BAZ2A: variants seen among roughly 807,000 people sequenced by gnomAD.
BAZ2A encodes the protein bromodomain adjacent to zinc finger domain 2A.
In BAZ2A, 34 loss-of-function variants were observed where a neutral mutation model predicts 199.9. The ratio of observed to expected loss-of-function variants is 0.17; its 90% CI spans 0.13 to 0.23. BAZ2A has a LOEUF of 0.23. Ranked by LOEUF, BAZ2A falls within the 10% of genes least tolerant of loss-of-function variation. BAZ2A has a pLI of 1.00. For missense variants in BAZ2A, 2,002 were observed against 2,391.1 expected (o/e 0.84, Z 3.39); for synonymous variants, 857 against 883.9 (o/e 0.97, Z 0.54).
chr12:56,634,155 C>T (rs1012132664), upstream of BAZ2A, among the ~76,000 whole-genome samples: 1 of 152,122 alleles, frequency 6.6e-6, no homozygotes, highest in Non-Finnish European at 1.5e-5. Flanking sequence ...CCTAGGGAGT[C>T]GGGGGGCTTC....
In BAZ2A at chr12:56,604,232, T is replaced by G. The variant is rs748438686; in HGVS notation, c.3023A>C (p.Glu1008Ala). 1.2e-6 allele frequency: 2 copies of G among 1,607,452 alleles called. No individual in the cohort carries two copies. Among genetic ancestry groups the G allele is most frequent in the Non-Finnish European group, 1.7e-6 (2 of 1,176,752 alleles). The part of the protein sequence containing the change: ...SSYRKNKWIV[E>A]GRLRRLKTVL... ...TGGTCCCTACCTCCGGAGCCGGCCT[T>G]CAACAATCCACTTGTTTTTCCTGTA... The change falls in exon 16 of 29, where the codon GAA becomes GCA. Residue 1008 changes from glutamate (E) to alanine (A), a missense_variant. Glu to Ala is a moderately radical substitution (Grantham distance 107). Transcript: ENST00000549884.
chr12:56,599,796 T>C lies in BAZ2A; in HGVS notation c.5078A>G (p.Asp1693Gly). Residue 1693 changes from aspartate (D) to glycine (G), a missense_variant, in exon 26 of 29, where the codon GAT (aspartate) becomes GGT (glycine). By Grantham distance (94) the Asp-to-Gly change is moderately conservative. Coordinates refer to ENST00000549884, the MANE Select transcript of BAZ2A (RefSeq NM_001300905.2). ...GDNDEFLLLCDGCDRGCHIYC... is the reference protein window; with the variant it reads ...GDNDEFLLLCGGCDRGCHIYC... ...AATGTGGCAGCCACGGTCACACCCATCACAAAGCAGAAGAAACTCATCATT... is the reference window on the plus strand; with the variant it reads ...AATGTGGCAGCCACGGTCACACCCACCACAAAGCAGAAGAAACTCATCATT... The C allele has an allele frequency of 6.2e-7, 1 of 1,613,894 alleles. No homozygotes were observed. Among genetic ancestry groups the C allele is most frequent in the South Asian group, 1.1e-5 (1 of 91,072 alleles).
rs1886550414 is a variant in BAZ2A, at chr12:56,602,173, CTTT to C, written c.3441_3443del (p.Ile1147_Lys1148delinsMet). ...CCACTTTTAAGGAGTCAGTTTCCTTCTTTATCACCTCCTCAGGAACTGTAAAGA... is the reference window on the plus strand; with the variant it reads ...CCACTTTTAAGGAGTCAGTTTCCTTCATCACCTCCTCAGGAACTGTAAAGA... On this transcript the variant is annotated inframe_deletion, in exon 20 of 29. Transcript: ENST00000549884. 2.5e-6 allele frequency: 4 copies of C among 1,585,834 alleles called. No individual in the cohort carries two copies. The Admixed American group carries it at 7.2e-5, about 29-fold the overall frequency.
chr12:56,612,563 C>G (rs1383411133), intron 5 of BAZ2A, among the ~76,000 whole-genome samples: 1 of 152,196 alleles, frequency 6.6e-6, no homozygotes, highest in Non-Finnish European at 1.5e-5. Context: ...CAGCCTATAC[C>G]TCTTTTAGTT....
intron 2 of BAZ2A, among the ~76,000 whole-genome samples, chr12:56,616,470 G>T (rs757694855): frequency 6.6e-6 from 1 of 152,174 alleles, no homozygotes; most frequent in African/African-American, 2.4e-5. Context: ...AGCTCAGAAG[G>T]CTGGGCTTGG....
chr12:56,597,623 C>CACA lies in BAZ2A; in HGVS notation c.*994_*995insTGT, dbSNP rs1885957408. The CACA allele has an allele frequency of 9.9e-6, 1 of 101,266 alleles. No homozygotes were observed. Among genetic ancestry groups the CACA allele is most frequent in the African/African-American group, 6.4e-5 (1 of 15,668 alleles). 6.3% of individuals were successfully genotyped at this position (101,266 alleles called of 1,614,324 possible). On this transcript the variant is annotated 3_prime_UTR_variant, in exon 29 of 29. Coordinates refer to ENST00000549884, the MANE Select transcript of BAZ2A (RefSeq NM_001300905.2). Reference sequence around the variant, plus strand: ...CTGACACACACACACACACACACAGCGCGCTCTGAGGCCGACACACACACA... The same window carrying CACA: ...CTGACACACACACACACACACACAGCACAGCGCTCTGAGGCCGACACACACACA...
In BAZ2A at chr12:56,600,388, C is replaced by T. The variant is rs573868102; in HGVS notation, c.4705G>A (p.Glu1569Lys). Residue 1569 changes from glutamate (E) to lysine (K), a missense_variant, in exon 24 of 29, where the codon GAG (glutamate) becomes AAG (lysine). This residue lies in a region of BAZ2A where 1,081 missense variants were observed against 1,274.7 expected (regional missense o/e 0.85). Transcript: ENST00000549884. ...EDITWRGRGR[E>K]GLAPQRKTTN... is the part of the protein sequence containing the mutation. ...GTTTTACGCTGAGGTGCCAGTCCCT[C>T]CCTGCCCCGACCTCGCCAGGTGATA... is the stretch of plus-strand genomic sequence containing the variant. 1 of 1,614,022 alleles carries T rather than the reference C, an allele frequency of 6.2e-7. No homozygotes were observed. Among genetic ancestry groups the T allele is most frequent in the African/African-American group, 1.3e-5 (1 of 75,042 alleles).
intron 3 of BAZ2A, 94 bp downstream of exon 3, chr12:56,614,920 G>A: frequency 7.7e-7 from 1 of 1,304,246 alleles, no homozygotes; most frequent in South Asian, 1.3e-5. Flanking sequence ...ACTGCAGAGA[G>A]CTGGAAAGAC....
At chr12:56,632,114 G>A (rs1213622221), upstream of BAZ2A, among the ~76,000 whole-genome samples, 1 of 151,752 alleles carries the variant, frequency 6.6e-6, no homozygotes, top group African/African-American at 2.4e-5. Flanking sequence ...GGTCACCTTG[G>A]GGAAAAAAAA....
At chr12:56,617,598 C>T in intron 1 of BAZ2A, 66 bp from the exon 2 acceptor site, 1 of 1,490,740 alleles carries the variant, frequency 6.7e-7, no homozygotes, top group Non-Finnish European at 9.1e-7. Flanking sequence ...CACCTGGAAT[C>T]TTCCAGGGGC....
chr12:56,597,705 C>T lies in BAZ2A; in HGVS notation c.*913G>A, dbSNP rs1885977127. Reference sequence around the variant, plus strand: ...CTCTCTGAGGCCGGCCCCATTGCTACCTGGCCTCCATCTTAGGGTGCACCC... The same window carrying T: ...CTCTCTGAGGCCGGCCCCATTGCTATCTGGCCTCCATCTTAGGGTGCACCC... On this transcript the variant is annotated 3_prime_UTR_variant, in exon 29 of 29. Transcript: ENST00000549884. The T allele has an allele frequency of 6.6e-6, 1 of 151,638 alleles. No individual in the cohort carries two copies. The highest frequency in any genetic ancestry group is 2.5e-5 in the African/African-American group (1 of 39,980). The allele number at this position is 151,638 out of a possible 1,614,324, so 9.4% of individuals were successfully genotyped here. A position where few individuals can be genotyped will look rare whatever the true frequency, so the allele number is the denominator to read the frequency against.
intron 2 of BAZ2A, among the ~76,000 whole-genome samples, chr12:56,616,522 G>A (rs1293479363): frequency 6.6e-6 from 1 of 152,182 alleles, no homozygotes; most frequent in Non-Finnish European, 1.5e-5. Context: ...CCAGCTGGCG[G>A]GGTAGGGGGG....
chr12:56,626,176 T>C (rs1421014579), intron 1 of BAZ2A, among the ~76,000 whole-genome samples: 2 of 152,224 alleles, frequency 1.3e-5, no homozygotes, highest in East Asian at 1.9e-4. Flanking sequence ...CATGAGATAA[T>C]ACTGAGAAAC....
In BAZ2A at chr12:56,630,305, A is replaced by C. The variant is rs1951269496; in HGVS notation, c.-183T>G. 1.0e-6 allele frequency: 1 copy of C among 984,366 alleles called. No homozygotes were observed. Among genetic ancestry groups the C allele is most frequent in the Admixed American group, 6.1e-5 (1 of 16,278 alleles). 61.0% of individuals were successfully genotyped at this position (984,366 alleles called of 1,614,324 possible). A position where few individuals can be genotyped will look rare whatever the true frequency, so the allele number is the denominator to read the frequency against. On this transcript the variant is annotated 5_prime_UTR_variant, in exon 1 of 29. Coordinates refer to ENST00000549884, the MANE Select transcript of BAZ2A (RefSeq NM_001300905.2). ...CAACCGCGGGGCCCGAGAGGAGCCAACATGGCCGGCGGGGGAGGAGTGAGT... is the reference window on the plus strand; with the variant it reads ...CAACCGCGGGGCCCGAGAGGAGCCACCATGGCCGGCGGGGGAGGAGTGAGT...
At chr12:56,636,137 G>A in intron 1 of BAZ2A, 1 of 1,558,314 alleles carries the variant, frequency 6.4e-7, no homozygotes, top group Non-Finnish European at 8.7e-7. Context: ...CAGGGAGGGA[G>A]TAGGCATCCC....
rs766296660 is a variant in BAZ2A, at chr12:56,601,630, G to C, written c.3987C>G (p.Pro1329=). 6.2e-7 allele frequency: 1 copy of C among 1,613,856 alleles called. No homozygotes were observed. The highest frequency in any genetic ancestry group is 1.3e-5 in the African/African-American group (1 of 74,900). The change falls in exon 20 of 29, where the codon CCC becomes CCG. Residue 1329 remains proline, a synonymous_variant. Transcript: ENST00000549884. The stretch of plus-strand genomic sequence containing the variant: ...GGGGCGGTGTGGGGGCAGCATTGCA[G>C]GGCATCTGGGCTGAGATGTTAAACC... ...ALWFNISAQM[P]CNAAPTPPPA...
At chr12:56,621,377 G>T in intron 1 of BAZ2A, 1 of 577,940 alleles carries the variant, frequency 1.7e-6, no homozygotes, top group Non-Finnish European at 2.2e-6. Flanking sequence ...TTCTCCACCT[G>T]TCTCTTCTGA....
At chr12:56,626,939 G>A (rs1255860013) in intron 1 of BAZ2A, among the ~76,000 whole-genome samples, 2 of 152,166 alleles carry the variant, frequency 1.3e-5, no homozygotes, top group Non-Finnish European at 2.9e-5. Context: ...GACATCAGAT[G>A]GACTTGTTTT....
rs1289107258 is a variant in BAZ2A, at chr12:56,611,876, G to A, written c.1506C>T (p.Ala502=). 1 of 1,604,090 alleles carries A rather than the reference G, an allele frequency of 6.2e-7. No individual in the cohort carries two copies. The highest frequency in any genetic ancestry group is 2.2e-5 in the East Asian group (1 of 44,702). ...TATTTGCTGGGGAGGCTGTTGGAAA[G>A]GCAGCTGCTGGGGAAGTTACGGGAG... ...KASPVTSPAA[A]FPTASPANKD... The change falls in exon 6 of 29, where the codon GCC becomes GCT. Residue 502 remains alanine, a synonymous_variant. Transcript: ENST00000549884.
Sources: gnomAD v4.1 joint callset for allele counts (sites outside exome capture counted in the v4.1 genomes callset) on GRCh38, gnomAD v4.1.1 for gene constraint, gnomAD v4.1.1 regional missense constraint, MANE v1.5 for transcripts, NCBI Gene and HGNC (gene_info 2026-07-23, HGNC 2026-07-21) for gene names.